LIN9: variants seen among roughly 807,000 people sequenced by gnomAD.
LIN9 encodes the protein protein lin-9 homolog.
Under a neutral mutation model 78.0 loss-of-function variants are expected in LIN9, and 18 were observed. The ratio of observed to expected loss-of-function variants is 0.23; its 90% CI spans 0.16 to 0.34. The LOEUF (loss-of-function observed/expected upper bound fraction) is 0.34. Ranked by LOEUF, LIN9 falls within the 10% of genes least tolerant of loss-of-function variation. The pLI is 1.00. For synonymous variants in LIN9, 192 were observed against 215.2 expected (o/e 0.89, Z 0.94); for missense variants, 451 against 644.1 (o/e 0.70, Z 3.25).
chr1:226,266,367 A>C (rs1199418137), intron 8 of LIN9, 35 bp from the exon 9 acceptor site: 9 of 1,559,218 alleles, frequency 5.8e-6, no homozygotes, highest in Non-Finnish European at 7.0e-6. Context: ...AACTTAAAGA[A>C]ATTTACCAAT....
chr1:226,236,321 G>C (rs1340424895), intron 12 of LIN9, among the ~76,000 whole-genome samples: 1 of 151,080 alleles, frequency 6.6e-6, no homozygotes, highest in East Asian at 1.9e-4. Flanking sequence ...CAGACCCCCT[G>C]ATAATGCCAT....
chr1:226,306,553 G>A (rs1362421722), intron 1 of LIN9, among the ~76,000 whole-genome samples: 1 of 152,080 alleles, frequency 6.6e-6, no homozygotes, highest in Non-Finnish European at 1.5e-5. Context: ...GGAAAGATCT[G>A]GGCTGAAGAT....
intron 8 of LIN9, among the ~76,000 whole-genome samples, chr1:226,267,230 GATATATATATAT>G (rs4012808): frequency 7.3e-6 from 1 of 137,704 alleles, no homozygotes; most frequent in Non-Finnish European, 1.5e-5. Flanking sequence ...GCACTAAGGA[GATATATATATAT>G]ATATATATAT....
intron 7 of LIN9, among the ~76,000 whole-genome samples, chr1:226,273,250 T>A (rs1229720386): frequency 1.4e-5 from 2 of 147,442 alleles, no homozygotes; most frequent in East Asian, 4.0e-4. Flanking sequence ...TTTTTTTAAT[T>A]AGGTAATTTT....
intron 12 of LIN9, among the ~76,000 whole-genome samples, chr1:226,237,632 CAAA>C (rs1167453006): frequency 5.2e-5 from 3 of 57,438 alleles, no homozygotes; most frequent in Admixed American, 2.2e-4. Flanking sequence ...AACTCTGTCT[CAAA>C]AAAAAAAAAA....
chr1:226,267,675 T>C (rs549988007), intron 8 of LIN9, among the ~76,000 whole-genome samples: 4 of 152,202 alleles, frequency 2.6e-5, no homozygotes, highest in African/African-American at 7.2e-5. Context: ...GAAAATGTTA[T>C]GTAGCTTCTT....
intron 4 of LIN9, among the ~76,000 whole-genome samples, chr1:226,290,395 C>T (rs1661683992): frequency 6.7e-6 from 1 of 148,996 alleles, no homozygotes; most frequent in African/African-American, 2.5e-5. Flanking sequence ...GGCTGGAGTG[C>T]AGTGGCACGA....
At chr1:226,296,561 G>A (rs1199569450) in intron 3 of LIN9, among the ~76,000 whole-genome samples, 5 of 152,192 alleles carry the variant, frequency 3.3e-5, no homozygotes, top group Admixed American at 6.5e-5. Flanking sequence ...GTTCACCCTA[G>A]GTTCAGAGGT....
intron 10 of LIN9, among the ~76,000 whole-genome samples, chr1:226,264,672 C>T (rs1389785002): frequency 6.6e-6 from 1 of 151,966 alleles, no homozygotes; most frequent in Non-Finnish European, 1.5e-5. Context: ...ACAGTGAAAC[C>T]CCATCTCTAT....
At chr1:226,270,006 T>A (rs1325017787) in intron 7 of LIN9, among the ~76,000 whole-genome samples, 1 of 152,120 alleles carries the variant, frequency 6.6e-6, no homozygotes, top group Non-Finnish European at 1.5e-5. Context: ...CACTGCAACC[T>A]CCACCTCCCG....
At position 226,256,571 on chromosome 1, in the gene LIN9, T is replaced by TA. The variant is rs538177083; in HGVS notation, c.1039-5653_1039-5652insT. Among the ~76,000 whole-genome samples, 599 of 150,376 alleles carry TA rather than the reference T, an allele frequency of 4.0e-3. 24 individuals are homozygous for TA. In the South Asian group the frequency reaches 0.072, roughly 18 times the overall value. On this transcript the variant is annotated intron_variant, in intron 10 of 14. Transcript: ENST00000681046. ...AAAATAAATATATATATATATATATTTTTTTGAGACAGAGTCTCGCTCTGT... is the reference window on the plus strand; with the variant it reads ...AAAATAAATATATATATATATATATTATTTTTGAGACAGAGTCTCGCTCTGT...
At chr1:226,263,392 A>G (rs1185502050) in intron 10 of LIN9, among the ~76,000 whole-genome samples, 1 of 152,162 alleles carries the variant, frequency 6.6e-6, no homozygotes, top group African/African-American at 2.4e-5. Context: ...GTATATGGGA[A>G]ATATCTGTAT....
Position 226,250,862 on chromosome 1 carries a change from T to C in LIN9, c.1096A>G (p.Met366Val), listed in dbSNP as rs765133385. 6.5e-7 allele frequency: 1 copy of C among 1,537,360 alleles called. No homozygotes were observed. The highest frequency in any genetic ancestry group is 1.2e-5 in the South Asian group (1 of 84,648). The stretch of plus-strand genomic sequence containing the variant: ...ACCAATTTTTCTGCTTCTGTGTTCA[T>C]TTCCCTTAATTTCTTGATATGTTCC... The part of the protein sequence containing the change: ...KKEHIKKLRE[M>V]NTEAEKLKSY... The change falls in exon 11 of 15, where the codon ATG (methionine) becomes GTG (valine). Residue 366 changes from methionine to valine, a missense_variant. By Grantham distance (21) the Met-to-Val change is conservative (BLOSUM62 1). Transcript: ENST00000681046.
intron 8 of LIN9, 116 bp from the exon 9 acceptor site, chr1:226,266,448 A>C: frequency 1.5e-6 from 1 of 688,520 alleles, no homozygotes; most frequent in South Asian, 3.6e-5. Context: ...ATTCATATAG[A>C]ATTTATTACT....
chr1:226,286,638 T>C (rs567451576), intron 5 of LIN9, among the ~76,000 whole-genome samples, 180 bp from the exon 6 acceptor site: 3 of 152,340 alleles, frequency 2.0e-5, no homozygotes, highest in African/African-American at 7.2e-5. Context: ...CGTGTAAAAG[T>C]TGCTCAGGAA....
rs958643023 is a variant in LIN9, at chr1:226,295,783, T to A, written c.264+59A>T. 11 of 1,005,204 alleles carry A rather than the reference T, an allele frequency of 1.1e-5. No individual in the cohort carries two copies. In the African/African-American group the frequency reaches 1.5e-4, roughly 14 times the overall value. 62.3% of individuals were successfully genotyped at this position (1,005,204 alleles called of 1,614,324 possible). A position where few individuals can be genotyped will look rare whatever the true frequency, so the allele number is the denominator to read the frequency against. ...AAATGTAACAGAAATATAAACTTTA[T>A]TAGGCTGAGCATTTGCTTACTTCCT... On this transcript the variant is annotated intron_variant, in intron 4 of 14. Coordinates refer to ENST00000681046, the MANE Select transcript of LIN9 (RefSeq NM_001366245.2).
intron 6 of LIN9, among the ~76,000 whole-genome samples, chr1:226,278,432 AAAAAAC>A (rs1412484428): frequency 6.6e-6 from 1 of 151,890 alleles, no homozygotes; most frequent in African/African-American, 2.4e-5. Context: ...TCCATCTTAA[AAAAAAC>A]AAAAACAAAA....
intron 7 of LIN9, among the ~76,000 whole-genome samples, chr1:226,276,337 T>C (rs1332518421): frequency 6.6e-6 from 1 of 152,202 alleles, no homozygotes; most frequent in African/African-American, 2.4e-5. Context: ...ATGGAGTTTT[T>C]ACAACTAAAC....
Position 226,266,345 on chromosome 1 carries a change from A to T in LIN9, c.817-13T>A. The stretch of plus-strand genomic sequence containing the variant: ...GAGGTTCATTACTCTGAGAAAACAG[A>T]ATAATTCACAAAACTTAAAGAAATT... On this transcript the variant is annotated splice_polypyrimidine_tract_variant and intron_variant, in intron 8 of 14. Transcript: ENST00000681046. The T allele has an allele frequency of 6.4e-7, 1 of 1,572,452 alleles. No individual in the cohort carries two copies. The highest frequency in any genetic ancestry group is 8.6e-7 in the Non-Finnish European group (1 of 1,159,044).
Sources: gnomAD v4.1 joint callset for allele counts (sites outside exome capture counted in the v4.1 genomes callset) on GRCh38, gnomAD v4.1.1 for gene constraint, MANE v1.5 for transcripts, NCBI Gene and HGNC (gene_info 2026-07-23, HGNC 2026-07-21) for gene names.